PCDH15: variants seen among roughly 807,000 people sequenced by gnomAD.
The protein encoded by PCDH15 is protocadherin-15.
Under a neutral mutation model 178.5 loss-of-function variants are expected in PCDH15, and 129 were observed. The observed-to-expected ratio is 0.72, with a 90% confidence interval of 0.63 to 0.84. The LOEUF is 0.84. PCDH15 is among the 40% of genes least tolerant of loss of function. The probability of loss-of-function intolerance (pLI) is 0.00; values close to 1 mark genes in which losing one functional copy is unlikely to be tolerated. For synonymous variants in PCDH15, 800 were observed against 732.0 expected, an observed-to-expected ratio of 1.09 and a Z score of -1.50; for missense variants, 2,230 against 2,099.9, an observed-to-expected ratio of 1.06 and a Z score of -1.21.
rs1841055291 is a variant in PCDH15, at chr10:53,804,871, A to C, written c.*1708T>G. On this transcript the variant is annotated 3_prime_UTR_variant, in exon 38 of 38. Coordinates refer to ENST00000644397, the MANE Select transcript of PCDH15 (RefSeq NM_001384140.1). The stretch of plus-strand genomic sequence containing the variant: ...AATGTGGATGCTTGTTTGGCAGGCC[A>C]GGAGGTGTGGTCATGATTCTACGTT... 1 of 151,972 alleles carries C rather than the reference A, an allele frequency of 6.6e-6. No homozygotes were observed. Among genetic ancestry groups the C allele is most frequent in the Non-Finnish European group, 1.5e-5 (1 of 67,926 alleles). 9.4% of individuals were successfully genotyped at this position (151,972 alleles called of 1,614,324 possible).
chr10:54,166,201 C>A (rs565302796), intron 13 of PCDH15, among the ~76,000 whole-genome samples: 4 of 152,290 alleles, frequency 2.6e-5, no homozygotes, highest in Non-Finnish European at 4.4e-5. Flanking sequence ...TCTAACAGAT[C>A]ATCATCCCCA....
intron 2 of PCDH15, among the ~76,000 whole-genome samples, chr10:54,920,424 G>A (rs1037406594): frequency 1.5e-5 from 2 of 130,600 alleles, no homozygotes; most frequent in Non-Finnish European, 3.1e-5. Flanking sequence ...AGCCGAGATC[G>A]CGCCACTGCA....
Position 54,652,555 on chromosome 10 carries a change from G to A in PCDH15, c.91+11617C>T, listed in dbSNP as rs72637042. On this transcript the variant is annotated intron_variant, in intron 2 of 37. Coordinates refer to ENST00000644397, the MANE Select transcript of PCDH15 (RefSeq NM_001384140.1). Reference sequence around the variant, plus strand: ...TCAACCTCTATCCCCTAGTAACTCAGAATGTAACTATATTTGGATATAGGG... The same window carrying A: ...TCAACCTCTATCCCCTAGTAACTCAAAATGTAACTATATTTGGATATAGGG... Among the ~76,000 whole-genome samples, 328 of 152,256 alleles carry A rather than the reference G, an allele frequency of 2.2e-3. 9 individuals are homozygous for A. In the East Asian group the frequency reaches 0.059, roughly 28 times the overall value.
chr10:54,073,278 G>A (rs2094281579), intron 17 of PCDH15, among the ~76,000 whole-genome samples: 1 of 150,670 alleles, frequency 6.6e-6, no homozygotes, highest in Admixed American at 6.6e-5. Flanking sequence ...TTATATATTT[G>A]TACATAAACA....
chr10:55,300,253 T>C, intron 1 of PCDH15, among the ~76,000 whole-genome samples: 1 of 152,166 alleles, frequency 6.6e-6, no homozygotes, highest in East Asian at 1.9e-4. Context: ...TAGAGGCCAC[T>C]GCTCAAAATG....
At chr10:55,276,439 T>C (rs1842598329) in intron 1 of PCDH15, among the ~76,000 whole-genome samples, 1 of 151,232 alleles carries the variant, frequency 6.6e-6, no homozygotes, top group South Asian at 2.1e-4. Context: ...TGAACATGTG[T>C]TTATATAATT....
intron 26 of PCDH15, among the ~76,000 whole-genome samples, chr10:53,894,367 C>A (rs962170337): frequency 6.6e-6 from 1 of 152,098 alleles, no homozygotes; most frequent in Non-Finnish European, 1.5e-5. Context: ...GGAAACCAGA[C>A]GAGATCGGGC....
intron 2 of PCDH15, among the ~76,000 whole-genome samples, chr10:55,065,239 A>G (rs1381472864): frequency 6.6e-6 from 1 of 152,042 alleles, no homozygotes; most frequent in Admixed American, 6.6e-5. Context: ...ATCTCCTACC[A>G]TCTACTTCCA....
intron 1 of PCDH15, among the ~76,000 whole-genome samples, chr10:54,776,900 G>C (rs992316976): frequency 6.6e-6 from 1 of 152,122 alleles, no homozygotes; most frequent in African/African-American, 2.4e-5. Context: ...AAAATGCAGA[G>C]TTAAGAGGAG....
intron 14 of PCDH15, among the ~76,000 whole-genome samples, chr10:54,144,764 T>C (rs1350120651): frequency 1.3e-5 from 2 of 152,096 alleles, no homozygotes; most frequent in Admixed American, 6.6e-5. Context: ...CTTAAAACAA[T>C]GTAATTTAAG....
intron 2 of PCDH15, among the ~76,000 whole-genome samples, chr10:54,930,466 T>C (rs1837745022): frequency 6.6e-6 from 1 of 152,134 alleles, no homozygotes; most frequent in African/African-American, 2.4e-5. Context: ...CATCCTTGAC[T>C]TCCTTGGGGC....
At position 54,649,025 on chromosome 10, in the gene PCDH15, T is replaced by C. The variant is rs560744159; in HGVS notation, c.91+15147A>G. On this transcript the variant is annotated intron_variant, in intron 2 of 37. Coordinates refer to ENST00000644397, the MANE Select transcript of PCDH15 (RefSeq NM_001384140.1). The stretch of plus-strand genomic sequence containing the variant: ...TTAAATGCAAACTAGCTGAACAGTC[T>C]TCACTGAGCATTTAGCGGGGCAGCC... Among the ~76,000 whole-genome samples, 4 of 152,302 alleles carry C rather than the reference T, an allele frequency of 2.6e-5. No individual in the cohort carries two copies. The South Asian group carries it at 8.3e-4, about 32-fold the overall frequency.
At chr10:54,295,459 C>T (rs980261699) in intron 8 of PCDH15, among the ~76,000 whole-genome samples, 2 of 152,138 alleles carry the variant, frequency 1.3e-5, no homozygotes, top group African/African-American at 4.8e-5. Flanking sequence ...TGGCTCTTTG[C>T]AATAAATCTT....
At chr10:54,250,561 GC>G (rs966961478) in intron 8 of PCDH15, among the ~76,000 whole-genome samples, 1 of 152,022 alleles carries the variant, frequency 6.6e-6, no homozygotes, top group African/African-American at 2.4e-5. Flanking sequence ...GGGATTACAG[GC>G]CTGAGCCACC....
chr10:55,330,838 ATGTGTG>A (rs71461291), intron 2 of PCDH15, among the ~76,000 whole-genome samples: 28 of 144,610 alleles, frequency 1.9e-4, no homozygotes, highest in African/African-American at 5.0e-4. Flanking sequence ...AGATTTATTT[ATGTGTG>A]TGTGTGTGTG....
At chr10:55,064,891 T>A (rs186244299) in intron 2 of PCDH15, among the ~76,000 whole-genome samples, 2 of 152,248 alleles carry the variant, frequency 1.3e-5, no homozygotes, top group Admixed American at 6.5e-5. Context: ...CGATTATTTT[T>A]GGGTGACTTT....
At chr10:54,002,895 G>A (rs868338322) in intron 20 of PCDH15, among the ~76,000 whole-genome samples, 1 of 152,128 alleles carries the variant, frequency 6.6e-6, no homozygotes, top group African/African-American at 2.4e-5. Context: ...AGCCAGCAGT[G>A]GCAACCCTTC....
intron 3 of PCDH15, among the ~76,000 whole-genome samples, chr10:54,515,433 G>A (rs937866879): frequency 4.6e-5 from 7 of 152,194 alleles, no homozygotes; most frequent in Admixed American, 1.3e-4. Flanking sequence ...GGGGAGGGGC[G>A]CTGGCCATTG....
chr10:54,041,943 T>A (rs956913728), intron 18 of PCDH15, among the ~76,000 whole-genome samples: 2 of 152,154 alleles, frequency 1.3e-5, no homozygotes, highest in Admixed American at 1.3e-4. Flanking sequence ...TACCTCTTGA[T>A]GTTAGTAACA....
Sources: allele counts gnomAD v4.1 joint callset (sites outside exome capture counted in the v4.1 genomes callset), GRCh38; gene constraint gnomAD v4.1.1; transcripts MANE v1.5; gene names NCBI Gene and HGNC (gene_info 2026-07-23, HGNC 2026-07-21).